GREB1L: variants seen among roughly 807,000 people sequenced by gnomAD.
GREB1L encodes the protein GREB1 like retinoic acid receptor coactivator, also known as GREB1-like protein.
In GREB1L, 17 loss-of-function variants were observed where a neutral mutation model predicts 200.8. That is an observed-to-expected ratio of 0.08 (90% CI 0.06 to 0.13). The LOEUF is 0.13. GREB1L is among the 10% of genes least tolerant of loss of function. The pLI is 1.00. For synonymous variants in GREB1L, 789 were observed against 893.0 expected (o/e 0.88, Z 2.08); for missense variants, 1,657 against 2,367.7 (o/e 0.70, Z 6.23).
At chr18:21,380,536 G>A (rs1279563198) in intron 2 of GREB1L, 1 of 152,172 alleles carries the variant, frequency 6.6e-6, no homozygotes, top group Non-Finnish European at 1.5e-5. Context: ...TTTATCCAAG[G>A]TGAGGCTGTA....
chr18:21,517,390 G>A (rs938276463), intron 30 of GREB1L, among the ~76,000 whole-genome samples: 5 of 151,622 alleles, frequency 3.3e-5, no homozygotes, highest in East Asian at 2.0e-4. Flanking sequence ...ACAGAGTCTC[G>A]CTCTGTTGCC....
chr18:21,499,675 C>A, intron 21 of GREB1L, 54 bp from the exon 22 acceptor site: 1 of 1,335,702 alleles, frequency 7.5e-7, no homozygotes, highest in Non-Finnish European at 1.0e-6. Flanking sequence ...TGCTTCCACA[C>A]CCTAGATCAG....
intron 1 of GREB1L, among the ~76,000 whole-genome samples, chr18:21,311,383 C>T (rs2144800538): frequency 6.6e-6 from 1 of 152,246 alleles, no homozygotes; most frequent in South Asian, 2.1e-4. Context: ...GAGGTTTATT[C>T]TAAGTTGGTC....
At chr18:21,459,288 T>G (rs2034925872) in intron 15 of GREB1L, among the ~76,000 whole-genome samples, 1 of 142,334 alleles carries the variant, frequency 7.0e-6, no homozygotes, top group East Asian at 2.0e-4. Context: ...ACTTTTTTTT[T>G]TTTTTTTTTT....
intron 15 of GREB1L, among the ~76,000 whole-genome samples, chr18:21,459,799 A>G (rs1294506368): frequency 6.6e-6 from 1 of 152,204 alleles, no homozygotes; most frequent in African/African-American, 2.4e-5. Context: ...ACAGGTGCCC[A>G]GGAAGAATGT....
chr18:21,242,760 G>A (rs904743301), intron 1 of GREB1L, among the ~76,000 whole-genome samples: 12 of 152,182 alleles, frequency 7.9e-5, no homozygotes, highest in Non-Finnish European at 1.8e-4. Context: ...TGGGACGAGG[G>A]AGCTGCGGCG....
At chr18:21,347,037 TCC>T (rs1397165623) in intron 1 of GREB1L, among the ~76,000 whole-genome samples, 1 of 152,132 alleles carries the variant, frequency 6.6e-6, no homozygotes, top group Non-Finnish European at 1.5e-5. Context: ...TCATTCCTGA[TCC>T]TATTTGACTT....
intron 11 of GREB1L, among the ~76,000 whole-genome samples, chr18:21,446,321 C>T (rs997145249): frequency 7.2e-5 from 11 of 152,316 alleles, no homozygotes; most frequent in African/African-American, 9.6e-5. Context: ...CCACGCCCGG[C>T]CTCCTTTTCA....
At chr18:21,388,979 C>T (rs2040671038) in intron 4 of GREB1L, among the ~76,000 whole-genome samples, 1 of 151,936 alleles carries the variant, frequency 6.6e-6, no homozygotes, top group African/African-American at 2.4e-5. Flanking sequence ...TGCTGTTGAC[C>T]TTGGTCACCT....
At chr18:21,384,456 C>T (rs2052471226) in intron 4 of GREB1L, 53 bp downstream of exon 4, 1 of 1,379,466 alleles carries the variant, frequency 7.2e-7, no homozygotes, top group African/African-American at 1.5e-5. Flanking sequence ...TATTGTCTGA[C>T]ATATTTCTAA....
At chr18:21,504,488 A>G (rs547421489) in intron 23 of GREB1L, among the ~76,000 whole-genome samples, 1 of 152,310 alleles carries the variant, frequency 6.6e-6, no homozygotes, top group East Asian at 1.9e-4. Context: ...GTGAGCTTAC[A>G]TTGCATCACT....
intron 19 of GREB1L, among the ~76,000 whole-genome samples, chr18:21,492,072 C>A (rs1279963406): frequency 2.0e-5 from 3 of 151,982 alleles, no homozygotes; most frequent in African/African-American, 7.3e-5. Context: ...GGAGGCTGGG[C>A]ACGGTAGCTC....
chr18:21,477,773 G>A (rs1213085757), intron 17 of GREB1L, among the ~76,000 whole-genome samples: 10 of 146,534 alleles, frequency 6.8e-5, no homozygotes, highest in African/African-American at 1.5e-4. Context: ...GGGACAGAGC[G>A]AGACTCCGTC....
At chr18:21,508,031 T>C in intron 25 of GREB1L, 87 bp from the exon 26 acceptor site, 1 of 1,280,876 alleles carries the variant, frequency 7.8e-7, no homozygotes, top group Non-Finnish European at 1.1e-6. Context: ...AGTTTCCATC[T>C]CTTAATAACA....
rs530464002 is a variant in GREB1L at position 21,319,311 on chromosome 18, A to G, written c.-119-46716A>G. 1.8e-4 allele frequency among the ~76,000 whole-genome samples: 28 copies of G among 152,316 alleles called. No homozygotes were observed. In the South Asian group the frequency reaches 5.6e-3, roughly 30 times the overall value. Reference sequence around the variant, plus strand: ...TGACGAAGCCCAATCCTGCACATCCACTTTAACTCTTTCTTTCGGTTAACC... The same window carrying G: ...TGACGAAGCCCAATCCTGCACATCCGCTTTAACTCTTTCTTTCGGTTAACC... On this transcript the variant is annotated intron_variant, in intron 1 of 32. Transcript: ENST00000424526.
chr18:21,381,357 G>A (rs1211447343), intron 2 of GREB1L, among the ~76,000 whole-genome samples: 2 of 151,548 alleles, frequency 1.3e-5, no homozygotes, highest in African/African-American at 2.4e-5. Context: ...GCAGTGAGCC[G>A]AGATTGCGCC....
chr18:21,477,925 A>T (rs1403300276), intron 17 of GREB1L, among the ~76,000 whole-genome samples: 1 of 152,248 alleles, frequency 6.6e-6, no homozygotes, highest in East Asian at 1.9e-4. Context: ...TATCATGCAG[A>T]TACAAAATTA....
intron 17 of GREB1L, among the ~76,000 whole-genome samples, chr18:21,481,467 G>GTA (rs1312038987): frequency 8.7e-5 from 9 of 103,530 alleles, no homozygotes; most frequent in African/African-American, 4.1e-4. Flanking sequence ...GTGTGTGTGT[G>GTA]TGTGTGTGTG....
intron 27 of GREB1L, among the ~76,000 whole-genome samples, chr18:21,513,013 T>C (rs946397207): frequency 1.9e-4 from 29 of 152,186 alleles, no homozygotes; most frequent in African/African-American, 6.0e-4. Flanking sequence ...GACTATCATC[T>C]TGATAATCAC....
Sources: allele counts gnomAD v4.1 joint callset (sites outside exome capture counted in the v4.1 genomes callset), GRCh38; gene constraint gnomAD v4.1.1; transcripts MANE v1.5; gene names NCBI Gene and HGNC (gene_info 2026-07-23, HGNC 2026-07-21).